The following SMC6 variants were observed in gnomAD, a reference collection of about 807,000 sequenced individuals.
SMC6 encodes structural maintenance of chromosomes 6.
In SMC6, 79 loss-of-function variants were observed where a neutral mutation model predicts 142.2. That is an observed-to-expected ratio of 0.56 (90% CI 0.46 to 0.67). The LOEUF is 0.67. Ranked by LOEUF, SMC6 falls within the 30% of genes least tolerant of loss-of-function variation. The probability of loss-of-function intolerance (pLI) is 0.00; values close to 1 mark genes in which losing one functional copy is unlikely to be tolerated. For missense variants in SMC6, 1,072 were observed against 1,284.0 expected (o/e 0.83, Z 2.52); for synonymous variants, 411 against 412.4 (o/e 1.00, Z 0.04).
rs371477087 is a variant in SMC6 at position 17,745,895 on chromosome 2, G to A, written c.52C>T (p.Pro18Ser). The A allele has an allele frequency of 5.0e-6, 8 of 1,611,528 alleles. No homozygotes were observed. The highest frequency in any genetic ancestry group is 6.8e-6 in the Non-Finnish European group (8 of 1,178,888). Residue 18 changes from proline (P) to serine (S), a missense_variant, in exon 3 of 28, where the codon CCA becomes TCA. By Grantham distance (74) the Pro-to-Ser change is moderately conservative (BLOSUM62 -1). This residue lies in a region of SMC6 where 994 missense variants were observed against 1,153.2 expected (regional missense o/e 0.86). Transcript: ENST00000448223. ...AAATCCTCCAATTCTTCTTGTCTTG[G>A]CCTTTTGGCATTTTTAGGAGAGGAA... ...NFSSPKNAKR[P>S]RQEELEDFDK...
chr2:17,674,211 G>A (rs1172986940), intron 25 of SMC6, among the ~76,000 whole-genome samples: 4 of 152,002 alleles, frequency 2.6e-5, no homozygotes, highest in Non-Finnish European at 5.9e-5. Flanking sequence ...ATTCCCTTCT[G>A]AGAAATCCTA....
At chr2:17,707,791 T>C (rs575151298) in intron 17 of SMC6, among the ~76,000 whole-genome samples, 3 of 152,120 alleles carry the variant, frequency 2.0e-5, no homozygotes, top group South Asian at 2.1e-4. Context: ...CAATAAAAGA[T>C]TAACATACTG....
At chr2:17,708,824 G>GTATA (rs10657992) in intron 16 of SMC6, 71 bp from the exon 17 acceptor site, 104,599 of 381,874 alleles carry the variant, frequency 0.27, 16,498 homozygotes, top group African/African-American at 0.4. Context: ...TGAAAATTGT[G>GTATA]TATATATATA....
At chr2:17,699,097 T>G (rs1321812215) in intron 21 of SMC6, among the ~76,000 whole-genome samples, 2 of 152,132 alleles carry the variant, frequency 1.3e-5, no homozygotes, top group Non-Finnish European at 2.9e-5. Context: ...GTCTATTGCA[T>G]TTTTTCCTAT....
intron 11 of SMC6, among the ~76,000 whole-genome samples, chr2:17,720,640 G>C (rs1483669618): frequency 6.6e-6 from 1 of 152,112 alleles, no homozygotes; most frequent in Non-Finnish European, 1.5e-5. Context: ...ATGAACCAAA[G>C]AGTAAAAGCT....
intron 3 of SMC6, among the ~76,000 whole-genome samples, chr2:17,745,304 C>T (rs1670688083): frequency 6.6e-6 from 1 of 152,072 alleles, no homozygotes; most frequent in South Asian, 2.1e-4. Flanking sequence ...GTATAATTCT[C>T]CAGTGAAACC....
At chr2:17,714,762 G>T in intron 16 of SMC6, 99 bp downstream of exon 16, 1 of 1,223,936 alleles carries the variant, frequency 8.2e-7, no homozygotes, top group Non-Finnish European at 1.1e-6. Context: ...TTACAAATCA[G>T]TGGTAAAGAT....
chr2:17,734,140 A>G (rs534899596), intron 5 of SMC6, among the ~76,000 whole-genome samples: 1 of 152,244 alleles, frequency 6.6e-6, no homozygotes, highest in South Asian at 2.1e-4. Flanking sequence ...GTCCAGAGAC[A>G]AGACACACAG....
chr2:17,701,717 A>G (rs961035765), intron 20 of SMC6, 112 bp downstream of exon 20: 1 of 659,600 alleles, frequency 1.5e-6, no homozygotes, highest in Non-Finnish European at 2.6e-6. Context: ...CAGCAATCAT[A>G]AAGAGTAGCT....
At chr2:17,675,824 T>C (rs1210658867) in intron 25 of SMC6, among the ~76,000 whole-genome samples, 1 of 152,132 alleles carries the variant, frequency 6.6e-6, no homozygotes, top group African/African-American at 2.4e-5. Context: ...TTGACTATCA[T>C]ATAAATTTCA....
intron 24 of SMC6, 88 bp downstream of exon 24, chr2:17,683,550 C>G (rs1667322592): frequency 8.4e-7 from 1 of 1,194,140 alleles, no homozygotes; most frequent in Non-Finnish European, 1.2e-6. Context: ...CATTAATAGT[C>G]TCTGCTATAA....
intron 26 of SMC6, among the ~76,000 whole-genome samples, chr2:17,666,864 C>G (rs1268893475): frequency 6.6e-6 from 1 of 152,060 alleles, no homozygotes; most frequent in Admixed American, 6.6e-5. Context: ...TGCCTGTCAT[C>G]CTAGCTACTC....
At chr2:17,751,713 G>C (rs1671049775) in intron 2 of SMC6, among the ~76,000 whole-genome samples, 1 of 152,194 alleles carries the variant, frequency 6.6e-6, no homozygotes, top group Non-Finnish European at 1.5e-5. Context: ...ATTAACCTAA[G>C]CAACTACGCT....
At chr2:17,728,349 A>G (rs1669734488) in intron 7 of SMC6, among the ~76,000 whole-genome samples, 1 of 152,128 alleles carries the variant, frequency 6.6e-6, no homozygotes, top group African/African-American at 2.4e-5. Flanking sequence ...GTGGAGGATC[A>G]CTTGAGCCTG....
Position 17,686,441 on chromosome 2 carries a change from C to T in SMC6, c.2679-2678G>A, listed in dbSNP as rs139317631. ...AGGTTGCAGTGAGCCAAGATTGTGC[C>T]GCAGCTCTCCAGCATGGGCAACAGA... On this transcript the variant is annotated intron_variant, in intron 23 of 27. Transcript: ENST00000448223. 4.9e-3 allele frequency among the ~76,000 whole-genome samples: 750 copies of T among 152,148 alleles called. 3 individuals carry two copies. Among genetic ancestry groups the T allele is most frequent in the Non-Finnish European group, 8.3e-3 (566 of 67,986 alleles).
Position 17,716,757 on chromosome 2 carries a change from C to G in SMC6, c.1330G>C (p.Glu444Gln). 2 of 1,602,022 alleles carry G rather than the reference C, an allele frequency of 1.2e-6. No individual in the cohort carries two copies. Among genetic ancestry groups the G allele is most frequent in the Non-Finnish European group, 1.7e-6 (2 of 1,177,010 alleles). Residue 444 changes from glutamate (E) to glutamine (Q), a missense_variant, in exon 14 of 28, where the codon GAA (glutamate) becomes CAA (glutamine). Glu to Gln is a conservative substitution (Grantham distance 29, BLOSUM62 2). Around this residue, in one of 3 missense-constraint regions of SMC6, gnomAD observed 994 missense variants for 1,153.2 expected, o/e 0.86. Coordinates refer to ENST00000448223, the MANE Select transcript of SMC6 (RefSeq NM_001142286.2). ...GCAACTTACTTAATTTTGCCATGTT[C>G]TTCTTTGTCCTTTTCTATGGCTTGC... ...FQQAIEKDKE[E>Q]HGKIKREELD... is the part of the protein sequence containing the mutation.
chr2:17,677,476 C>G (rs1558327372), intron 25 of SMC6, among the ~76,000 whole-genome samples: 1 of 152,150 alleles, frequency 6.6e-6, no homozygotes, highest in Non-Finnish European at 1.5e-5. Flanking sequence ...CTAGACTACT[C>G]AAAGTCCAGA....
chr2:17,751,606 G>A (rs6712768), intron 2 of SMC6, among the ~76,000 whole-genome samples: 80,786 of 152,092 alleles, frequency 0.53, 23,802 homozygotes, highest in African/African-American at 0.77. Context: ...TGGAGCTAAG[G>A]AAGCTACTGG....
At chr2:17,739,232 G>T (rs1427462474) in intron 4 of SMC6, among the ~76,000 whole-genome samples, 1 of 152,250 alleles carries the variant, frequency 6.6e-6, no homozygotes, top group East Asian at 1.9e-4. Context: ...CTGAGGGCTA[G>T]GTATGGTGGC....
Sources: gnomAD v4.1 joint callset for allele counts (sites outside exome capture counted in the v4.1 genomes callset) on GRCh38, gnomAD v4.1.1 for gene constraint, gnomAD v4.1.1 regional missense constraint, MANE v1.5 for transcripts, NCBI Gene and HGNC (gene_info 2026-07-23, HGNC 2026-07-21) for gene names.